The following RABGAP1L variants were observed in gnomAD, a reference collection of about 807,000 sequenced individuals.
The protein encoded by RABGAP1L is rab GTPase-activating protein 1-like.
Under a neutral mutation model 137.7 loss-of-function variants are expected in RABGAP1L, and 63 were observed. That is an observed-to-expected ratio of 0.46 (90% confidence interval 0.37 to 0.56). RABGAP1L has a LOEUF of 0.56. RABGAP1L is among the 20% of genes least tolerant of loss of function. The pLI is 0.00. For missense variants in RABGAP1L, 1,095 were observed against 1,244.0 expected (o/e 0.88, Z 1.80); for synonymous variants, 431 against 433.7 (o/e 0.99, Z 0.08).
intron 14 of RABGAP1L, among the ~76,000 whole-genome samples, chr1:174,657,905 GC>G (rs1676084203): frequency 6.6e-6 from 1 of 152,128 alleles, no homozygotes; most frequent in African/African-American, 2.4e-5. Context: ...TTTGACAAAT[GC>G]CCCCAGGAAA....
intron 13 of RABGAP1L, among the ~76,000 whole-genome samples, chr1:174,549,374 A>G (rs1404471045): frequency 6.6e-6 from 1 of 152,304 alleles, no homozygotes; most frequent in East Asian, 1.9e-4. Flanking sequence ...AGAGGATGGG[A>G]AAGTGGTGGC....
intron 1 of RABGAP1L, among the ~76,000 whole-genome samples, chr1:174,179,310 TGTCA>T (rs1231434444): frequency 6.6e-6 from 1 of 152,214 alleles, no homozygotes; most frequent in African/African-American, 2.4e-5. Flanking sequence ...AACTATAGTT[TGTCA>T]GTTAGTTGTT....
intron 13 of RABGAP1L, among the ~76,000 whole-genome samples, chr1:174,617,183 C>A (rs375211872): frequency 6.6e-6 from 1 of 152,148 alleles, no homozygotes; most frequent in Non-Finnish European, 1.5e-5. Flanking sequence ...AGAAAAATCT[C>A]TAGACTGCTA....
intron 1 of RABGAP1L, among the ~76,000 whole-genome samples, chr1:174,209,859 T>C (rs944882171): frequency 6.6e-6 from 1 of 152,204 alleles, no homozygotes; most frequent in Admixed American, 6.5e-5. Context: ...ACAGGAGTCT[T>C]GTGTCACTCT....
At chr1:174,728,043 T>C (rs1334185522) in intron 17 of RABGAP1L, among the ~76,000 whole-genome samples, 1 of 152,240 alleles carries the variant, frequency 6.6e-6, no homozygotes, top group Non-Finnish European at 1.5e-5. Context: ...ACCAATGTTA[T>C]ACAGCAGTAA....
intron 17 of RABGAP1L, among the ~76,000 whole-genome samples, chr1:174,720,221 G>A (rs1681386264): frequency 6.6e-6 from 1 of 151,190 alleles, no homozygotes; most frequent in African/African-American, 2.4e-5. Context: ...TGTTGCTGAG[G>A]TAACTGGAGA....
rs145789016 is a variant in RABGAP1L, at chr1:174,322,801, T to C, written c.1465+17674T>C. Reference sequence around the variant, plus strand: ...AGAAGAGATCACATGCAGGAGATTTTGGGGGCAGATCTAGAAGCTGTGCAC... The same window carrying C: ...AGAAGAGATCACATGCAGGAGATTTCGGGGGCAGATCTAGAAGCTGTGCAC... On this transcript the variant is annotated intron_variant, in intron 11 of 25. Transcript: ENST00000681986. Among the ~76,000 whole-genome samples the C allele has an allele frequency of 1.4e-3, 210 of 152,180 alleles. 2 individuals are homozygous for C. The highest frequency in any genetic ancestry group is 2.4e-3 in the Non-Finnish European group (161 of 67,994).
chr1:174,761,050 A>G lies in RABGAP1L; in HGVS notation c.2211+8696A>G, dbSNP rs1435124858. Among the ~76,000 whole-genome samples, 2 of 152,180 alleles carry G rather than the reference A, an allele frequency of 1.3e-5. No homozygotes were observed. The highest frequency in any genetic ancestry group is 2.4e-5 in the African/African-American group (1 of 41,446). ...ATTTTCACACTGCTGATAAAGACAT[A>G]CACAAGACTGGGCAATTTATAAAAG... is the stretch of plus-strand genomic sequence containing the variant. On this transcript the variant is annotated intron_variant, in intron 18 of 25. Coordinates refer to ENST00000681986, the MANE Select transcript of RABGAP1L (RefSeq NM_001366446.1). This position sits in a 1 kb window ranked among gnomAD's most constrained non-coding sequence, Gnocchi z 4.0.
chr1:174,562,909 T>C (rs978286077), intron 13 of RABGAP1L, among the ~76,000 whole-genome samples: 2 of 151,996 alleles, frequency 1.3e-5, no homozygotes, highest in Non-Finnish European at 2.9e-5. Context: ...ATGTAGATGG[T>C]GGGTTGTTGG....
intron 13 of RABGAP1L, among the ~76,000 whole-genome samples, chr1:174,530,777 A>G (rs1264021621): frequency 6.6e-6 from 1 of 151,298 alleles, no homozygotes; most frequent in African/African-American, 2.4e-5. Flanking sequence ...AAGACAATCA[A>G]AACCAAGATT....
At chr1:174,891,874 T>C (rs1656201587) in intron 19 of RABGAP1L, among the ~76,000 whole-genome samples, 1 of 152,176 alleles carries the variant, frequency 6.6e-6, no homozygotes, top group Non-Finnish European at 1.5e-5. Flanking sequence ...TAGAAAATTT[T>C]GAAAACACAT....
intron 14 of RABGAP1L, among the ~76,000 whole-genome samples, chr1:174,653,667 C>T (rs932125659): frequency 1.2e-4 from 18 of 152,220 alleles, no homozygotes; most frequent in Admixed American, 2.6e-4. Flanking sequence ...CCGCCTTCTG[C>T]GTTGATCTAG....
At chr1:174,298,944 G>C (rs140914050) in intron 10 of RABGAP1L, among the ~76,000 whole-genome samples, 1 of 152,184 alleles carries the variant, frequency 6.6e-6, no homozygotes, top group Non-Finnish European at 1.5e-5. Flanking sequence ...GGAACAAGCA[G>C]GGTTAGTCTA....
intron 20 of RABGAP1L, among the ~76,000 whole-genome samples, chr1:174,962,614 C>CT (rs770217491): frequency 2.0e-5 from 3 of 151,946 alleles, no homozygotes; most frequent in East Asian, 1.9e-4. Context: ...CTTAATTGTA[C>CT]TTTTTTGCCA....
rs1040433823 is a variant in RABGAP1L, at chr1:174,610,570, A to C, written c.1711-26805A>C. ...TTTATAGTCCTTTGGGTATATACCCAGTAATGGGATGGCTGGGTCAAATGG... is the reference window on the plus strand; with the variant it reads ...TTTATAGTCCTTTGGGTATATACCCCGTAATGGGATGGCTGGGTCAAATGG... On this transcript the variant is annotated intron_variant, in intron 13 of 25. Coordinates refer to ENST00000681986, the MANE Select transcript of RABGAP1L (RefSeq NM_001366446.1). 5.4e-4 allele frequency among the ~76,000 whole-genome samples: 82 copies of C among 152,144 alleles called. 2 individuals are homozygous for C. Among genetic ancestry groups the C allele is most frequent in the Non-Finnish European group, 7.3e-5 (5 of 68,038 alleles).
chr1:174,244,044 C>T (rs1219651852), intron 5 of RABGAP1L, among the ~76,000 whole-genome samples: 1 of 152,210 alleles, frequency 6.6e-6, no homozygotes, highest in African/African-American at 2.4e-5. Context: ...ACATCTTCCT[C>T]TCTGCCCTAC....
At chr1:174,193,535 A>G (rs557433889) in intron 1 of RABGAP1L, among the ~76,000 whole-genome samples, 1 of 152,290 alleles carries the variant, frequency 6.6e-6, no homozygotes, top group South Asian at 2.1e-4. Context: ...CTCAGAAAAA[A>G]TCCCCAAAAT....
At chr1:174,347,145 C>G (rs1387781467) in intron 11 of RABGAP1L, among the ~76,000 whole-genome samples, 3 of 152,102 alleles carry the variant, frequency 2.0e-5, no homozygotes, top group South Asian at 4.1e-4. Flanking sequence ...GATGACCTAT[C>G]CTTGTGAATG....
Position 174,683,572 on chromosome 1 carries a change from T to C in RABGAP1L, c.1875T>C (p.Phe625=). 1 of 1,609,024 alleles carries C rather than the reference T, an allele frequency of 6.2e-7. No homozygotes were observed. Among genetic ancestry groups the C allele is most frequent in the Admixed American group, 1.7e-5 (1 of 60,016 alleles). Residue 625 remains phenylalanine, a synonymous_variant, in exon 15 of 26, where the codon TTT becomes TTC. Coordinates refer to ENST00000681986, the MANE Select transcript of RABGAP1L (RefSeq NM_001366446.1). The stretch of plus-strand genomic sequence containing the variant: ...TTGGGTACTGTCAAGGGCAGTCTTT[T>C]CTTGCTGCTGTATTACTGCTGCATG... The part of the protein sequence containing the change: ...EDIGYCQGQS[F]LAAVLLLHMP...
Sources: gnomAD v4.1 joint callset for allele counts (sites outside exome capture counted in the v4.1 genomes callset) on GRCh38, gnomAD v4.1.1 for gene constraint, Gnocchi (gnomAD v3.1) non-coding constraint, MANE v1.5 for transcripts, NCBI Gene and HGNC (gene_info 2026-07-23, HGNC 2026-07-21) for gene names.